The following LUZP2 variants were observed in gnomAD, a reference collection of about 807,000 sequenced individuals.
LUZP2 encodes the protein leucine zipper protein 2.
Under a neutral mutation model 51.6 loss-of-function variants are expected in LUZP2, and 52 were observed. The ratio of observed to expected loss-of-function variants is 1.01; its 90% confidence interval spans 0.81 to 1.27. The LOEUF (loss-of-function observed/expected upper bound fraction) is 1.27, where lower values mean the gene tolerates loss of function less well. Ranked by LOEUF, LUZP2 falls within the 50% of genes most tolerant of loss-of-function variation. The probability of loss-of-function intolerance (pLI) is 0.00; values close to 1 mark genes in which losing one functional copy is unlikely to be tolerated. For missense variants in LUZP2, 436 were observed against 395.4 expected, an observed-to-expected ratio of 1.10 and a Z score of -0.87; for synonymous variants, 154 against 137.3, an observed-to-expected ratio of 1.12 and a Z score of -0.85.
At chr11:24,959,194 C>T (rs1207828170) in intron 7 of LUZP2, among the ~76,000 whole-genome samples, 3 of 152,098 alleles carry the variant, frequency 2.0e-5, no homozygotes, top group African/African-American at 7.2e-5. Flanking sequence ...AGTGTGATGC[C>T]TCCAGCTTTG....
intron 7 of LUZP2, among the ~76,000 whole-genome samples, chr11:24,958,853 A>C (rs188392688): frequency 1.3e-3 from 192 of 151,980 alleles, no homozygotes; most frequent in African/African-American, 3.4e-3. Flanking sequence ...AATGGTAATG[A>C]CTTGGTTTTC....
intron 1 of LUZP2, among the ~76,000 whole-genome samples, chr11:24,519,438 T>A (rs375619814): frequency 5.3e-5 from 8 of 152,280 alleles, no homozygotes; most frequent in African/African-American, 1.7e-4. Flanking sequence ...ATTTTATTGT[T>A]TAGTTATGTT....
chr11:24,879,794 G>A (rs114896213), intron 5 of LUZP2, among the ~76,000 whole-genome samples: 2,319 of 152,156 alleles, frequency 0.015, 66 homozygotes, highest in African/African-American at 0.053. Flanking sequence ...ATTTTTACTG[G>A]TGCCCTATTC....
chr11:25,044,255 GTGTATATA>G (rs1433212796), intron 9 of LUZP2, among the ~76,000 whole-genome samples: 67 of 42,376 alleles, frequency 1.6e-3, no homozygotes, highest in African/African-American at 7.5e-3. Flanking sequence ...GTGTGTGTGT[GTGTATATA>G]TATATATATA....
chr11:24,865,022 T>C (rs1851847844), intron 5 of LUZP2, among the ~76,000 whole-genome samples: 2 of 152,234 alleles, frequency 1.3e-5, no homozygotes, highest in Non-Finnish European at 2.9e-5. Context: ...TTCCTCTTAT[T>C]CTACGTTTAT....
rs537429540 is a variant in LUZP2, at chr11:24,670,375, T to A, written c.63-58794T>A. On this transcript the variant is annotated intron_variant, in intron 1 of 11. Coordinates refer to ENST00000336930, the MANE Select transcript of LUZP2 (RefSeq NM_001009909.4). ...CAAGTTAACCCTAGAATGTTGTCAT[T>A]CCCATTTTATGGATGAAATAAAGCT... Among the ~76,000 whole-genome samples the A allele has an allele frequency of 1.7e-4, 26 of 152,228 alleles. No individual in the cohort carries two copies. In the East Asian group the frequency reaches 4.2e-3, roughly 25 times the overall value.
At chr11:24,864,167 T>C (rs1851818845) in intron 5 of LUZP2, among the ~76,000 whole-genome samples, 1 of 152,192 alleles carries the variant, frequency 6.6e-6, no homozygotes, top group Non-Finnish European at 1.5e-5. Context: ...ATAAGTGTAA[T>C]TATAGTGTAC....
At chr11:24,497,676 A>C (rs1849868609) in intron 1 of LUZP2, among the ~76,000 whole-genome samples, 1 of 152,218 alleles carries the variant, frequency 6.6e-6, no homozygotes, top group Non-Finnish European at 1.5e-5. Context: ...GTGTCTTTAC[A>C]TTGGAGTTGT....
chr11:24,985,793 A>G (rs1193925078), intron 9 of LUZP2, among the ~76,000 whole-genome samples: 1 of 151,690 alleles, frequency 6.6e-6, no homozygotes, highest in Non-Finnish European at 1.5e-5. Context: ...CCAGTAGATG[A>G]TTATGTATTT....
Position 24,637,710 on chromosome 11 carries a change from T to C in LUZP2, c.63-91459T>C, listed in dbSNP as rs34075147. 8.5e-3 allele frequency among the ~76,000 whole-genome samples: 1,292 copies of C among 151,958 alleles called. 19 individuals are homozygous for C. The highest frequency in any genetic ancestry group is 0.017 in the South Asian group (83 of 4,830). ...GCAGTGCCCTCAGGCTTACTAGGAT[T>C]GGGAAATTCCAGCCTGGTGAATTCT... On this transcript the variant is annotated intron_variant, in intron 1 of 11. Coordinates refer to ENST00000336930, the MANE Select transcript of LUZP2 (RefSeq NM_001009909.4).
intron 1 of LUZP2, among the ~76,000 whole-genome samples, chr11:24,549,636 T>C (rs1381342697): frequency 6.6e-6 from 1 of 152,096 alleles, no homozygotes. Context: ...AGTAATGTGT[T>C]ACACCATGAA....
chr11:24,786,531 A>G (rs1385841512), intron 5 of LUZP2: 8 of 714,650 alleles, frequency 1.1e-5, no homozygotes, highest in Admixed American at 6.5e-5. Flanking sequence ...TTGTATATAC[A>G]CAAATATATA....
intron 5 of LUZP2, among the ~76,000 whole-genome samples, chr11:24,894,381 G>T (rs923310887): frequency 1.3e-5 from 2 of 152,046 alleles, no homozygotes; most frequent in Middle Eastern, 3.2e-3. Context: ...CACCATGTTA[G>T]TCAGCCTGGT....
chr11:24,654,797 T>A (rs1431214404), intron 1 of LUZP2, among the ~76,000 whole-genome samples: 2 of 151,848 alleles, frequency 1.3e-5, no homozygotes. Context: ...AGTGCTGGGA[T>A]TACAGGCATG....
chr11:24,558,596 A>G (rs1009894755), intron 1 of LUZP2, among the ~76,000 whole-genome samples: 2 of 152,148 alleles, frequency 1.3e-5, no homozygotes, highest in South Asian at 4.1e-4. Context: ...AGGATTTGAA[A>G]ATTTTGTTTC....
intron 5 of LUZP2, among the ~76,000 whole-genome samples, chr11:24,778,914 C>A (rs1849015596): frequency 6.6e-6 from 1 of 152,094 alleles, no homozygotes; most frequent in Non-Finnish European, 1.5e-5. Flanking sequence ...ATCAGTAATA[C>A]CTGAGTACTA....
intron 4 of LUZP2, among the ~76,000 whole-genome samples, chr11:24,740,079 T>C (rs1212239035): frequency 6.6e-6 from 1 of 152,160 alleles, no homozygotes; most frequent in East Asian, 1.9e-4. Flanking sequence ...AGTTTCTTCA[T>C]AGCCTAATGA....
At chr11:24,523,930 T>C (rs935685606) in intron 1 of LUZP2, among the ~76,000 whole-genome samples, 3 of 151,768 alleles carry the variant, frequency 2.0e-5, no homozygotes, top group African/African-American at 4.8e-5. Flanking sequence ...GTGTCCAGCC[T>C]CTTTGAAAAA....
chr11:24,572,232 A>G (rs1298455819), intron 1 of LUZP2, among the ~76,000 whole-genome samples: 3 of 152,146 alleles, frequency 2.0e-5, no homozygotes, highest in African/African-American at 7.2e-5. Flanking sequence ...TTCAGTTTTT[A>G]GAACACTGTA....
Sources: gnomAD v4.1 joint callset for allele counts (sites outside exome capture counted in the v4.1 genomes callset) on GRCh38, gnomAD v4.1.1 for gene constraint, MANE v1.5 for transcripts, NCBI Gene and HGNC (gene_info 2026-07-23, HGNC 2026-07-21) for gene names.